VANGL1: variants seen among roughly 807,000 people sequenced by gnomAD.
The protein encoded by VANGL1 is VANGL planar cell polarity protein 1.
In VANGL1, 18 loss-of-function variants were observed where a neutral mutation model predicts 48.4. The observed-to-expected ratio is 0.37, with a 90% CI of 0.26 to 0.55. The LOEUF (loss-of-function observed/expected upper bound fraction) is 0.55. VANGL1 is among the 20% of genes least tolerant of loss of function. VANGL1 has a pLI of 0.81. For missense variants in VANGL1, 667 were observed against 675.8 expected (o/e 0.99, Z 0.14); for synonymous variants, 257 against 261.8 (o/e 0.98, Z 0.18).
rs1457874513 is a variant in VANGL1 at position 115,697,050 on chromosome 1, T to C, written c.*5671T>C. ...AGCTTTCACTTGTAGACATGGCCTT[T>C]TGTTGTGAAGTTGCTCATCATTTAG... On this transcript the variant is annotated 3_prime_UTR_variant, in exon 8 of 8. Transcript: ENST00000355485. 6.6e-6 allele frequency: 1 copy of C among 152,192 alleles called. No homozygotes were observed. Among genetic ancestry groups the C allele is most frequent in the Admixed American group, 6.5e-5 (1 of 15,276 alleles). 9.4% of individuals were successfully genotyped at this position (152,192 alleles called of 1,614,324 possible). A position where few individuals can be genotyped will look rare whatever the true frequency, so the allele number is the denominator to read the frequency against.
intron 2 of VANGL1, among the ~76,000 whole-genome samples, chr1:115,654,843 G>C (rs1219822196): frequency 6.6e-6 from 1 of 152,146 alleles, no homozygotes; most frequent in South Asian, 2.1e-4. Context: ...AGCAGTCCTA[G>C]AATGGCGGGA....
At chr1:115,664,805 G>T (rs1652711481) in intron 4 of VANGL1, among the ~76,000 whole-genome samples, 1 of 152,190 alleles carries the variant, frequency 6.6e-6, no homozygotes. Flanking sequence ...CTTGAGTGTT[G>T]TGAAAATGTA....
At chr1:115,651,062 T>C (rs2101303893) in intron 1 of VANGL1, among the ~76,000 whole-genome samples, 1 of 152,190 alleles carries the variant, frequency 6.6e-6, no homozygotes, top group Middle Eastern at 3.4e-3. Flanking sequence ...TGGTAGGGGT[T>C]CAGCTTGCTC....
chr1:115,674,783 T>C (rs1016133746), intron 4 of VANGL1, among the ~76,000 whole-genome samples: 1 of 152,134 alleles, frequency 6.6e-6, no homozygotes, highest in African/African-American at 2.4e-5. Flanking sequence ...CAGGGAGAAG[T>C]TGCAGGCCAT....
intron 4 of VANGL1, among the ~76,000 whole-genome samples, chr1:115,676,132 G>C (rs945535365): frequency 6.6e-5 from 10 of 152,108 alleles, no homozygotes; most frequent in African/African-American, 2.2e-4. Context: ...CACATGCAGT[G>C]GTTGGTGTTA....
At chr1:115,651,864 C>G (rs916291185) in intron 2 of VANGL1, among the ~76,000 whole-genome samples, 2 of 152,054 alleles carry the variant, frequency 1.3e-5, no homozygotes, top group South Asian at 4.1e-4. Flanking sequence ...TCACGCCACT[C>G]TCCTGCCTCA....
In VANGL1 at chr1:115,697,358, T is replaced by C. The variant is rs1339465578; in HGVS notation, c.*5979T>C. Reference sequence around the variant, plus strand: ...ATCATCATTCTTTAAAAAGGGAACATACAAAAATCTAAACTATGGCAATAA... The same window carrying C: ...ATCATCATTCTTTAAAAAGGGAACACACAAAAATCTAAACTATGGCAATAA... On this transcript the variant is annotated 3_prime_UTR_variant, in exon 8 of 8. Transcript: ENST00000355485. The C allele has an allele frequency of 6.6e-6, 1 of 152,222 alleles. No homozygotes were observed. Among genetic ancestry groups the C allele is most frequent in the Non-Finnish European group, 1.5e-5 (1 of 68,036 alleles). The allele number at this position is 152,222 out of a possible 1,614,324, so 9.4% of individuals were successfully genotyped here.
In VANGL1 at chr1:115,695,046, G is replaced by T. The variant is rs1128100; in HGVS notation, c.*3667G>T. 1 of 152,074 alleles carries T rather than the reference G, an allele frequency of 6.6e-6. No homozygotes were observed. The highest frequency in any genetic ancestry group is 2.4e-5 in the African/African-American group (1 of 41,388). The allele number at this position is 152,074 out of a possible 1,614,324, so 9.4% of individuals were successfully genotyped here. ...CTGGCTTCTCCCGCTAGAGTAAATG[G>T]CTTTAGCACAGCACTGTCTTCTGGG... On this transcript the variant is annotated 3_prime_UTR_variant, in exon 8 of 8. Coordinates refer to ENST00000355485, the MANE Select transcript of VANGL1 (RefSeq NM_138959.3).
chr1:115,683,806 G>A, intron 5 of VANGL1, 138 bp from the exon 6 acceptor site: 1 of 1,165,664 alleles, frequency 8.6e-7, no homozygotes, highest in South Asian at 1.3e-5. Flanking sequence ...ACCCTCCTGG[G>A]AAGTGACCTT....
chr1:115,650,344 C>T (rs564204085), intron 1 of VANGL1, among the ~76,000 whole-genome samples: 18 of 152,180 alleles, frequency 1.2e-4, no homozygotes, highest in Admixed American at 5.9e-4. Context: ...TTGTGGATCT[C>T]GGTTTTCTAG....
At chr1:115,664,907 C>T (rs1012216084) in intron 4 of VANGL1, among the ~76,000 whole-genome samples, 1 of 152,118 alleles carries the variant, frequency 6.6e-6, no homozygotes, top group African/African-American at 2.4e-5. Flanking sequence ...GAGTGATTAC[C>T]ATCATTTTAT....
chr1:115,683,895 C>T (rs765692166), intron 5 of VANGL1, 49 bp from the exon 6 acceptor site: 6 of 1,606,116 alleles, frequency 3.7e-6, no homozygotes, highest in Non-Finnish European at 8.5e-7. Context: ...TGCTCTGTTT[C>T]CCACCCTCGT....
chr1:115,653,594 C>T (rs1452265788), intron 2 of VANGL1, among the ~76,000 whole-genome samples: 7 of 152,136 alleles, frequency 4.6e-5, no homozygotes, highest in Non-Finnish European at 8.8e-5. Context: ...TTTGTCTACA[C>T]TCGAGTTCTG....
chr1:115,667,716 G>A (rs981294655), intron 4 of VANGL1, among the ~76,000 whole-genome samples: 4 of 152,132 alleles, frequency 2.6e-5, no homozygotes, highest in Admixed American at 1.3e-4. Context: ...TCTTGGCCCC[G>A]TTCTCACAAT....
In VANGL1 at chr1:115,695,083, C is replaced by T. The variant is rs2101045693; in HGVS notation, c.*3704C>T. 6.6e-6 allele frequency: 1 copy of T among 152,282 alleles called. No individual in the cohort carries two copies. Among genetic ancestry groups the T allele is most frequent in the South Asian group, 2.1e-4 (1 of 4,824 alleles). 9.4% of individuals were successfully genotyped at this position (152,282 alleles called of 1,614,324 possible). On this transcript the variant is annotated 3_prime_UTR_variant, in exon 8 of 8. Transcript: ENST00000355485. Reference sequence around the variant, plus strand: ...CACTGTCTTCTGGGGAGCCTGCTGTCCTGCAGGCAAGTCCATTAAACTCTT... The same window carrying T: ...CACTGTCTTCTGGGGAGCCTGCTGTTCTGCAGGCAAGTCCATTAAACTCTT...
rs1430430525 is a variant in VANGL1, at chr1:115,691,221, A to G, written c.1417A>G (p.Asn473Asp). ...WRLVSDEAVT[N>D]GLRDGIVFVL... The stretch of plus-strand genomic sequence containing the variant: ...GCTTGTCAGTGATGAGGCTGTGACT[A>G]ATGGATTACGGGATGGAATTGTGTT... Residue 473 changes from asparagine to aspartate, a missense_variant, in exon 8 of 8, where the codon AAT becomes GAT. Physicochemically the swap from Asn to Asp is conservative, Grantham distance 23 (BLOSUM62 1). Transcript: ENST00000355485. The G allele has an allele frequency of 1.2e-6, 2 of 1,614,142 alleles. No homozygotes were observed. Among genetic ancestry groups the G allele is most frequent in the East Asian group, 2.2e-5 (1 of 44,850 alleles).
rs1198149468 is a variant in VANGL1 at position 115,685,414 on chromosome 1, A to G, written c.1201A>G (p.Met401Val). Residue 401 changes from methionine to valine, a missense_variant, in exon 7 of 8, where the codon ATG (methionine) becomes GTG (valine). Transcript: ENST00000355485. ...GGCCGCCCAGGCCATTTTCCCCTCC[A>G]TGGCCAGGGCTCTCCAGAAGTACCT... ...REAAQAIFPS[M>V]ARALQKYLRI... 1.2e-6 allele frequency: 2 copies of G among 1,614,008 alleles called. No homozygotes were observed. The highest frequency in any genetic ancestry group is 2.2e-5 in the East Asian group (1 of 44,884).
chr1:115,645,119 A>C (rs1651867354), intron 1 of VANGL1, among the ~76,000 whole-genome samples: 1 of 152,138 alleles, frequency 6.6e-6, no homozygotes. Flanking sequence ...TGCCCCTCCA[A>C]ATAAACCCAC....
Position 115,678,643 on chromosome 1 carries a change from A to G in VANGL1, c.813-3721A>G, listed in dbSNP as rs72701671. Among the ~76,000 whole-genome samples the G allele has an allele frequency of 2.2e-3, 335 of 152,282 alleles. 1 individual carries two copies. The highest frequency in any genetic ancestry group is 3.6e-3 in the Non-Finnish European group (243 of 68,020). ...CAAGAAGACTTAAATCATATATCACATAGCTTACTCTCTTCAAAACGATGA... is the reference window on the plus strand; with the variant it reads ...CAAGAAGACTTAAATCATATATCACGTAGCTTACTCTCTTCAAAACGATGA... On this transcript the variant is annotated intron_variant, in intron 4 of 7. Transcript: ENST00000355485.
Sources: gnomAD v4.1 joint callset for allele counts (sites outside exome capture counted in the v4.1 genomes callset) on GRCh38, gnomAD v4.1.1 for gene constraint, MANE v1.5 for transcripts, NCBI Gene and HGNC (gene_info 2026-07-23, HGNC 2026-07-21) for gene names.